ASIC2: variants seen among roughly 807,000 people sequenced by gnomAD.
ASIC2 encodes acid-sensing ion channel 2.
A neutral mutation model predicts 57.3 loss-of-function variants in ASIC2; 25 were observed. The ratio of observed to expected loss-of-function variants is 0.44; its 90% CI spans 0.32 to 0.61. The LOEUF is 0.61. Ranked by LOEUF, ASIC2 falls within the 20% of genes least tolerant of loss-of-function variation. ASIC2 has a pLI of 0.06. For missense variants in ASIC2, 641 were observed against 738.1 expected (o/e 0.87, Z 1.52); for synonymous variants, 319 against 307.5 (o/e 1.04, Z -0.39).
At chr17:33,867,882 C>T (rs1196017565) in intron 1 of ASIC2, among the ~76,000 whole-genome samples, 3 of 152,216 alleles carry the variant, frequency 2.0e-5, no homozygotes, top group South Asian at 4.1e-4. Flanking sequence ...GCACTGCTGT[C>T]ACCCTCTGAA....
intron 1 of ASIC2, among the ~76,000 whole-genome samples, chr17:33,729,049 G>A (rs1909653112): frequency 6.6e-6 from 1 of 152,138 alleles, no homozygotes; most frequent in Non-Finnish European, 1.5e-5. Flanking sequence ...AAAATCACCT[G>A]CATTAGTCAA....
intron 1 of ASIC2, among the ~76,000 whole-genome samples, chr17:34,094,412 G>A (rs1211167269): frequency 6.6e-6 from 1 of 152,172 alleles, no homozygotes; most frequent in Non-Finnish European, 1.5e-5. Flanking sequence ...AGCCAGACAG[G>A]CTGCATCTCA....
At chr17:33,588,349 C>T (rs928780874) in intron 1 of ASIC2, among the ~76,000 whole-genome samples, 2 of 152,166 alleles carry the variant, frequency 1.3e-5, no homozygotes, top group Non-Finnish European at 2.9e-5. Flanking sequence ...AATTCACTTT[C>T]TCTTTCTGGA....
intron 1 of ASIC2, among the ~76,000 whole-genome samples, chr17:34,034,540 G>T (rs1328447863): frequency 6.6e-6 from 1 of 152,070 alleles, no homozygotes; most frequent in Non-Finnish European, 1.5e-5. Context: ...GGAAATAAAG[G>T]GTATTCAATT....
At chr17:33,346,024 C>A (rs1907927606) in intron 1 of ASIC2, among the ~76,000 whole-genome samples, 1 of 151,822 alleles carries the variant, frequency 6.6e-6, no homozygotes, top group Admixed American at 6.6e-5. Context: ...GTCAGAAGCT[C>A]AAGACCAGCC....
intron 1 of ASIC2, among the ~76,000 whole-genome samples, chr17:33,627,685 TGCTGCTGGCG>T (rs1199524000): frequency 6.6e-6 from 1 of 152,240 alleles, no homozygotes; most frequent in East Asian, 1.9e-4. Context: ...ATTAGCTGTC[TGCTGCTGGCG>T]GCTGGTTTAT....
At chr17:33,913,704 T>TA (rs1264186846) in intron 1 of ASIC2, among the ~76,000 whole-genome samples, 1 of 150,992 alleles carries the variant, frequency 6.6e-6, no homozygotes, top group Non-Finnish European at 1.5e-5. Flanking sequence ...CACTTAGTCT[T>TA]ATTCTGCATA....
chr17:33,179,580 T>C (rs558752446), intron 1 of ASIC2, among the ~76,000 whole-genome samples: 2 of 152,318 alleles, frequency 1.3e-5, no homozygotes, highest in East Asian at 3.9e-4. Flanking sequence ...CAGACTTTTA[T>C]TGCATCTCTA....
chr17:33,904,557 C>T (rs962641518), intron 1 of ASIC2, among the ~76,000 whole-genome samples: 1 of 152,154 alleles, frequency 6.6e-6, no homozygotes, highest in Non-Finnish European at 1.5e-5. Flanking sequence ...GGTCGAGAAC[C>T]ACTGGTCTAA....
intron 1 of ASIC2, among the ~76,000 whole-genome samples, chr17:34,115,186 A>G (rs1038774292): frequency 3.9e-5 from 6 of 152,212 alleles, no homozygotes; most frequent in African/African-American, 1.4e-4. Context: ...ATCCAAGTGG[A>G]TAGCACAGTC....
At chr17:33,487,084 T>C (rs910073972) in intron 1 of ASIC2, among the ~76,000 whole-genome samples, 4 of 152,196 alleles carry the variant, frequency 2.6e-5, no homozygotes, top group Non-Finnish European at 4.4e-5. Flanking sequence ...CCATCTGATA[T>C]GATTTTGTGA....
intron 1 of ASIC2, among the ~76,000 whole-genome samples, chr17:33,775,548 T>C (rs1008461036): frequency 6.6e-6 from 1 of 152,164 alleles, no homozygotes; most frequent in Non-Finnish European, 1.5e-5. Context: ...AAAATCTGTG[T>C]GGGAGTTAAG....
chr17:33,934,005 T>A (rs1001575157), intron 1 of ASIC2, among the ~76,000 whole-genome samples: 2 of 152,222 alleles, frequency 1.3e-5, no homozygotes, highest in East Asian at 3.8e-4. Context: ...TTCTTTCGGG[T>A]CAGCAGCGAC....
intron 1 of ASIC2, among the ~76,000 whole-genome samples, chr17:33,317,008 A>G (rs1330898328): frequency 6.6e-6 from 1 of 152,230 alleles, no homozygotes; most frequent in Non-Finnish European, 1.5e-5. Flanking sequence ...GACCAGCTTC[A>G]GAGACCTGGG....
chr17:33,315,599 A>G (rs903657856), intron 1 of ASIC2, among the ~76,000 whole-genome samples: 17 of 152,238 alleles, frequency 1.1e-4, no homozygotes, highest in African/African-American at 3.9e-4. Context: ...AATGATTCTC[A>G]TTATCTGAGA....
chr17:33,157,576 C>T (rs545986271), intron 1 of ASIC2, among the ~76,000 whole-genome samples: 2 of 152,294 alleles, frequency 1.3e-5, no homozygotes, highest in Admixed American at 6.5e-5. Context: ...CCTTTGACTC[C>T]TCTCTTTCCC....
In ASIC2 at chr17:33,028,410, G is replaced by C. The variant is rs74692055; in HGVS notation, c.988-18C>G. 1,283 of 1,613,752 alleles carry C rather than the reference G, an allele frequency of 8.0e-4. 12 individuals carry two copies. In the East Asian group the frequency reaches 0.023, roughly 29 times the overall value. On this transcript the variant is annotated intron_variant, in intron 3 of 9. Coordinates refer to ENST00000225823, the MANE Select transcript of ASIC2 (RefSeq NM_183377.2). ...TATGTGAGCTGCAAGACAGGAAGGA[G>C]GGGGCGGCAGTCAGCCTCAACAGAC...
chr17:33,670,758 G>T (rs1567684710), intron 1 of ASIC2, among the ~76,000 whole-genome samples: 2 of 152,164 alleles, frequency 1.3e-5, no homozygotes, highest in African/African-American at 2.4e-5. Flanking sequence ...TCTCAGACTG[G>T]GTACACAGGC....
At chr17:33,233,853 A>G (rs1474223089) in intron 1 of ASIC2, among the ~76,000 whole-genome samples, 2 of 152,220 alleles carry the variant, frequency 1.3e-5, no homozygotes, top group Admixed American at 6.5e-5. Context: ...GCAGATTGTC[A>G]AGAGAAACCT....
Sources: gnomAD v4.1 joint callset for allele counts (sites outside exome capture counted in the v4.1 genomes callset) on GRCh38, gnomAD v4.1.1 for gene constraint, MANE v1.5 for transcripts, NCBI Gene and HGNC (gene_info 2026-07-23, HGNC 2026-07-21) for gene names.